The following GPATCH8 variants were observed in gnomAD, a reference collection of about 807,000 sequenced individuals.
The protein encoded by GPATCH8 is G-patch domain containing 8, also known as G patch domain-containing protein 8.
A neutral mutation model predicts 118.3 loss-of-function variants in GPATCH8; 18 were observed. That is an observed-to-expected ratio of 0.15 (90% CI 0.11 to 0.23). GPATCH8 has a LOEUF of 0.23. Among genes scored for constraint, GPATCH8 ranks in the 10% least tolerant of loss-of-function variants. The pLI is 1.00. For missense variants in GPATCH8, 1,631 were observed against 1,873.8 expected (o/e 0.87, Z 2.39); for synonymous variants, 659 against 684.7 (o/e 0.96, Z 0.59).
intron 6 of GPATCH8, among the ~76,000 whole-genome samples, chr17:44,422,302 T>C (rs2049935820): frequency 6.6e-6 from 1 of 151,850 alleles, no homozygotes; most frequent in South Asian, 2.1e-4. Flanking sequence ...ACACCTCGGC[T>C]TCTGGAGTAG....
chr17:44,458,697 T>G (rs183727378), intron 3 of GPATCH8, among the ~76,000 whole-genome samples: 1 of 152,222 alleles, frequency 6.6e-6, no homozygotes, highest in Admixed American at 6.5e-5. Context: ...AATCTATTTT[T>G]TAAAATTTTT....
intron 6 of GPATCH8, among the ~76,000 whole-genome samples, chr17:44,423,028 G>A (rs2049969101): frequency 6.6e-6 from 1 of 151,786 alleles, no homozygotes; most frequent in Non-Finnish European, 1.5e-5. Context: ...CAGCACTTTG[G>A]GAGGCCGAGG....
Position 44,398,668 on chromosome 17 carries a change from G to C in GPATCH8, c.3409C>G (p.Pro1137Ala), listed in dbSNP as rs1463151670. Reference protein sequence around the residue: ...PQGYFGPKLPPSLGNKPVLPL... With the variant: ...PQGYFGPKLPASLGNKPVLPL... The stretch of plus-strand genomic sequence containing the variant: ...AGGACAGGCTTATTGCCAAGAGATG[G>C]GGGGAGCTTGGGCCCAAAGTAACCT... The change falls in exon 8 of 8, where the codon CCA (proline) becomes GCA (alanine). Residue 1137 changes from proline (P) to alanine (A), a missense_variant. Coordinates refer to ENST00000591680, the MANE Select transcript of GPATCH8 (RefSeq NM_001002909.4). 5 of 1,569,256 alleles carry C rather than the reference G, an allele frequency of 3.2e-6. No individual in the cohort carries two copies. Among genetic ancestry groups the C allele is most frequent in the African/African-American group, 1.4e-5 (1 of 73,628 alleles).
intron 1 of GPATCH8, among the ~76,000 whole-genome samples, chr17:44,484,916 G>A (rs1968656242): frequency 6.6e-6 from 1 of 152,060 alleles, no homozygotes; most frequent in Non-Finnish European, 1.5e-5. Flanking sequence ...AGGCTCAAGT[G>A]ATCCTCCCAC....
At chr17:44,446,587 A>T (rs2144132796) in intron 3 of GPATCH8, among the ~76,000 whole-genome samples, 1 of 152,140 alleles carries the variant, frequency 6.6e-6, no homozygotes, top group South Asian at 2.1e-4. Context: ...AGTTAGACAA[A>T]TCTATAAGGT....
At chr17:44,418,740 C>T (rs748717325) in intron 6 of GPATCH8, among the ~76,000 whole-genome samples, 6 of 152,132 alleles carry the variant, frequency 3.9e-5, no homozygotes, top group Non-Finnish European at 7.3e-5. Context: ...CGTGAGCCAC[C>T]GCGCCCGGCT....
At chr17:44,439,809 G>C (rs1473314111) in intron 3 of GPATCH8, among the ~76,000 whole-genome samples, 3 of 147,446 alleles carry the variant, frequency 2.0e-5, no homozygotes, top group Admixed American at 2.0e-4. Context: ...TTGAGATGGA[G>C]TTTCGCTCTT....
intron 1 of GPATCH8, among the ~76,000 whole-genome samples, chr17:44,492,504 G>A (rs1001080467): frequency 2.6e-5 from 4 of 151,858 alleles, no homozygotes; most frequent in African/African-American, 9.7e-5. Flanking sequence ...CCTGGGAGGC[G>A]GAGCTTGCAG....
At chr17:44,431,060 C>T (rs1301430120) in intron 5 of GPATCH8, among the ~76,000 whole-genome samples, 1 of 151,800 alleles carries the variant, frequency 6.6e-6, no homozygotes, top group Non-Finnish European at 1.5e-5. Context: ...TTTATCTCAA[C>T]AACAATTTTA....
chr17:44,405,033 TAGAA>T (rs2049165570), intron 7 of GPATCH8, among the ~76,000 whole-genome samples: 1 of 152,084 alleles, frequency 6.6e-6, no homozygotes, highest in Non-Finnish European at 1.5e-5. Context: ...TTCAAATAGT[TAGAA>T]AGAGGATACC....
In GPATCH8 at chr17:44,483,212, T is replaced by C. The variant is rs1398062518; in HGVS notation, c.46-8309A>G. Among the ~76,000 whole-genome samples, 213 of 86,308 alleles carry C rather than the reference T, an allele frequency of 2.5e-3. 4 individuals are homozygous for C. Among genetic ancestry groups the C allele is most frequent in the African/African-American group, 8.8e-3 (205 of 23,392 alleles). 56.6% of individuals were successfully genotyped at this position (86,308 alleles called of 152,430 possible). On this transcript the variant is annotated intron_variant, in intron 1 of 7. Transcript: ENST00000591680. ...ATATATATATATATATATATATATA[T>C]ATATACAGCCTACCTCTCATATCTC...
chr17:44,447,753 A>G (rs1214518842), intron 3 of GPATCH8, among the ~76,000 whole-genome samples: 1 of 152,042 alleles, frequency 6.6e-6, no homozygotes, highest in African/African-American at 2.4e-5. Flanking sequence ...TAACCTCCCA[A>G]GTAGCTAGGG....
Position 44,398,879 on chromosome 17 carries a change from C to T in GPATCH8, c.3198G>A (p.Gln1066=), listed in dbSNP as rs1167920166. ...CTCTTCCTGTGCCAATGTTGCTGTT[C>T]TGGGAAGGTGGACCTGTTGCTTTAC... ...DDSKATGPPS[Q]NSNIGTGRGS... is the part of the protein sequence containing the mutation. The change falls in exon 8 of 8, where the codon CAG becomes CAA. Residue 1066 remains glutamine, a synonymous_variant. Transcript: ENST00000591680. 3 of 1,613,962 alleles carry T rather than the reference C, an allele frequency of 1.9e-6. No homozygotes were observed. The highest frequency in any genetic ancestry group is 2.5e-6 in the Non-Finnish European group (3 of 1,179,956).
chr17:44,463,474 C>T (rs2051640570), intron 3 of GPATCH8, among the ~76,000 whole-genome samples: 1 of 152,206 alleles, frequency 6.6e-6, no homozygotes, highest in Admixed American at 6.5e-5. Flanking sequence ...GCAACCTCCG[C>T]CTTCCAGGTT....
chr17:44,416,147 G>T (rs1052090230), intron 6 of GPATCH8, among the ~76,000 whole-genome samples: 1 of 152,160 alleles, frequency 6.6e-6, no homozygotes, highest in East Asian at 1.9e-4. Flanking sequence ...GATTACAGGC[G>T]TGTGCCACCA....
At chr17:44,436,823 G>C (rs1019700062) in intron 3 of GPATCH8, 3 of 436,980 alleles carry the variant, frequency 6.9e-6, no homozygotes, top group South Asian at 2.7e-5. Flanking sequence ...TTAAGCAATG[G>C]CATCAGGAGG....
intron 3 of GPATCH8, among the ~76,000 whole-genome samples, chr17:44,441,142 C>T (rs1014138493): frequency 6.6e-6 from 1 of 152,122 alleles, no homozygotes; most frequent in African/African-American, 2.4e-5. Flanking sequence ...GCCACTGCAC[C>T]CAGCCCAGGG....
intron 6 of GPATCH8, among the ~76,000 whole-genome samples, chr17:44,421,617 G>A (rs1428896036): frequency 6.6e-6 from 1 of 152,016 alleles, no homozygotes; most frequent in Non-Finnish European, 1.5e-5. Flanking sequence ...CTCCCCCTCA[G>A]CTTCCCAAAG....
At chr17:44,475,503 C>T (rs774454895) in intron 1 of GPATCH8, among the ~76,000 whole-genome samples, 108 of 149,090 alleles carry the variant, frequency 7.2e-4, no homozygotes, top group Non-Finnish European at 1.3e-3. Context: ...TTTAGACCAT[C>T]CTGACACGGT....
Sources: gnomAD v4.1 joint callset for allele counts (sites outside exome capture counted in the v4.1 genomes callset) on GRCh38, gnomAD v4.1.1 for gene constraint, MANE v1.5 for transcripts, NCBI Gene and HGNC (gene_info 2026-07-23, HGNC 2026-07-21) for gene names.